The following CADM2 variants were observed in gnomAD, a reference collection of about 807,000 sequenced individuals.
CADM2 encodes immunoglobulin superfamily member 4D.
A neutral mutation model predicts 49.8 loss-of-function variants in CADM2; 12 were observed. The observed-to-expected ratio is 0.24, with a 90% CI of 0.15 to 0.39. CADM2 has a LOEUF of 0.39. CADM2 is among the 10% of genes least tolerant of loss of function. CADM2 has a pLI of 1.00. For missense variants in CADM2, 378 were observed against 492.3 expected, an observed-to-expected ratio of 0.77 and a Z score of 2.20; for synonymous variants, 214 against 175.4, an observed-to-expected ratio of 1.22 and a Z score of -1.74.
At chr3:85,195,344 G>C (rs918111892) in intron 1 of CADM2, among the ~76,000 whole-genome samples, 2 of 151,786 alleles carry the variant, frequency 1.3e-5, no homozygotes, top group African/African-American at 4.8e-5. Flanking sequence ...TATCTTTCTG[G>C]GTCTTTGTAC....
chr3:85,269,779 C>T (rs1374492535), intron 1 of CADM2, among the ~76,000 whole-genome samples: 2 of 151,358 alleles, frequency 1.3e-5, no homozygotes, highest in African/African-American at 4.8e-5. Flanking sequence ...TGCAAACCAT[C>T]TGTCTCAAGT....
intron 3 of CADM2, among the ~76,000 whole-genome samples, chr3:85,813,913 C>G (rs1280258505): frequency 1.3e-5 from 2 of 152,112 alleles, no homozygotes; most frequent in Non-Finnish European, 2.9e-5. Context: ...TGTTTTGGTA[C>G]TACTACCATG....
rs1402582055 is a variant in CADM2, at chr3:85,732,069, G to GA, written c.88+5525dup. Among the ~76,000 whole-genome samples, 166 of 108,962 alleles carry GA rather than the reference G, an allele frequency of 1.5e-3. 2 individuals are homozygous for GA. Among genetic ancestry groups the GA allele is most frequent in the Admixed American group, 7.0e-3 (62 of 8,882 alleles). The allele number at this position is 108,962 out of a possible 152,430, so 71.5% of individuals were successfully genotyped here. The stretch of plus-strand genomic sequence containing the variant: ...TCAAGACCAGGCTGGCCAACATGGT[G>GA]AAAACCCATCTCTACTAAGAATACC... On this transcript the variant is annotated intron_variant, in intron 2 of 9. Transcript: ENST00000383699.
In CADM2 at chr3:85,098,831, G is replaced by A. The variant is rs144528867; in HGVS notation, c.61+139163G>A. Among the ~76,000 whole-genome samples, 501 of 152,238 alleles carry A rather than the reference G, an allele frequency of 3.3e-3. 3 individuals carry two copies. Among genetic ancestry groups the A allele is most frequent in the South Asian group, 0.018 (88 of 4,832 alleles). ...ATGTTTGGTTGAAAAACAAATCCGC[G>A]TATAAGTGGAGCCATGCAGTTCAAA... On this transcript the variant is annotated intron_variant, in intron 1 of 9. Coordinates refer to ENST00000383699, the MANE Select transcript of CADM2 (RefSeq NM_001167675.2).
At chr3:85,850,272 G>A (rs1264820374) in intron 3 of CADM2, among the ~76,000 whole-genome samples, 1 of 148,558 alleles carries the variant, frequency 6.7e-6, no homozygotes, top group Non-Finnish European at 1.5e-5. Context: ...AACTTGATCA[G>A]TGTGGCTACC....
chr3:85,191,807 A>G (rs2041215107), intron 1 of CADM2, among the ~76,000 whole-genome samples: 1 of 152,186 alleles, frequency 6.6e-6, no homozygotes, highest in Non-Finnish European at 1.5e-5. Flanking sequence ...GTCATCAGAT[A>G]CAATGTTTTG....
intron 1 of CADM2, among the ~76,000 whole-genome samples, chr3:85,704,734 C>T (rs1577124099): frequency 6.6e-6 from 1 of 151,946 alleles, no homozygotes; most frequent in South Asian, 2.1e-4. Flanking sequence ...TATACCTATA[C>T]TTGTATAGGT....
intron 7 of CADM2, among the ~76,000 whole-genome samples, chr3:85,938,180 T>C (rs1721411602): frequency 6.6e-6 from 1 of 152,068 alleles, no homozygotes; most frequent in Non-Finnish European, 1.5e-5. Flanking sequence ...CATTAATCTC[T>C]TTAAAAACAG....
chr3:85,460,273 G>A (rs1256838266), intron 1 of CADM2, among the ~76,000 whole-genome samples: 1 of 130,886 alleles, frequency 7.6e-6, no homozygotes, highest in Non-Finnish European at 1.6e-5. Context: ...AAATATGGGA[G>A]GTTCAGAAAA....
At chr3:85,501,767 G>C (rs546124924) in intron 1 of CADM2, among the ~76,000 whole-genome samples, 1 of 152,010 alleles carries the variant, frequency 6.6e-6, no homozygotes, top group East Asian at 1.9e-4. Flanking sequence ...TTAATACTTT[G>C]CCAGTGGTTG....
intron 1 of CADM2, among the ~76,000 whole-genome samples, chr3:85,161,362 T>TTC (rs1309290591): frequency 5.3e-5 from 8 of 152,116 alleles, no homozygotes; most frequent in Admixed American, 4.6e-4. Flanking sequence ...AGAAGAGATG[T>TTC]TCTCTCCTGT....
chr3:85,762,221 T>C (rs2069424968), intron 2 of CADM2, among the ~76,000 whole-genome samples: 1 of 152,166 alleles, frequency 6.6e-6, no homozygotes, highest in Non-Finnish European at 1.5e-5. Flanking sequence ...TAAGCATTTA[T>C]AGAAAATCTG....
At chr3:85,352,027 T>C (rs1350363776) in intron 1 of CADM2, among the ~76,000 whole-genome samples, 1 of 152,116 alleles carries the variant, frequency 6.6e-6, no homozygotes, top group East Asian at 1.9e-4. Context: ...TATATTGCTG[T>C]TGACTTTGAG....
intron 1 of CADM2, among the ~76,000 whole-genome samples, chr3:85,149,259 T>C (rs1008051695): frequency 9.2e-5 from 14 of 152,126 alleles, no homozygotes; most frequent in Non-Finnish European, 1.8e-4. Context: ...TAAGAGGTGA[T>C]TAGGCCATGG....
At chr3:85,705,059 G>A (rs1174084740) in intron 1 of CADM2, among the ~76,000 whole-genome samples, 4 of 148,504 alleles carry the variant, frequency 2.7e-5, no homozygotes, top group African/African-American at 7.4e-5. Context: ...ATAGAGACGG[G>A]GTTTTGCCTG....
chr3:85,914,305 T>G (rs562789979), intron 6 of CADM2, among the ~76,000 whole-genome samples: 1 of 152,080 alleles, frequency 6.6e-6, no homozygotes, highest in Non-Finnish European at 1.5e-5. Context: ...GATTATAAAG[T>G]AGAGGAGTCA....
chr3:85,746,961 T>G (rs2068645506), intron 2 of CADM2, among the ~76,000 whole-genome samples: 1 of 152,108 alleles, frequency 6.6e-6, no homozygotes, highest in Non-Finnish European at 1.5e-5. Flanking sequence ...ATTTTTGAAT[T>G]TACATTTTCC....
intron 1 of CADM2, among the ~76,000 whole-genome samples, chr3:85,270,735 C>A (rs1229755957): frequency 1.3e-5 from 2 of 151,202 alleles, no homozygotes; most frequent in Non-Finnish European, 3.0e-5. Context: ...TAAAAAAGCT[C>A]ACTATTAAGT....
intron 1 of CADM2, among the ~76,000 whole-genome samples, chr3:85,105,222 C>A (rs1220632505): frequency 1.3e-5 from 2 of 152,030 alleles, no homozygotes; most frequent in Non-Finnish European, 2.9e-5. Context: ...TATGCAGAAT[C>A]TACAATGAAC....
Sources: allele counts gnomAD v4.1 joint callset (sites outside exome capture counted in the v4.1 genomes callset), GRCh38; gene constraint gnomAD v4.1.1; transcripts MANE v1.5; gene names NCBI Gene and HGNC (gene_info 2026-07-23, HGNC 2026-07-21).